The following KIN variants were observed in gnomAD, a reference collection of about 807,000 sequenced individuals.
KIN encodes the protein DNA/RNA-binding protein KIN17.
Under a neutral mutation model 63.0 loss-of-function variants are expected in KIN, and 47 were observed. The observed-to-expected ratio is 0.75, with a 90% CI of 0.59 to 0.95. The LOEUF (loss-of-function observed/expected upper bound fraction) is 0.95. KIN is among the 40% of genes least tolerant of loss of function. The probability of loss-of-function intolerance (pLI) is 0.00; values close to 1 mark genes in which losing one functional copy is unlikely to be tolerated. For missense variants in KIN, 408 were observed against 460.9 expected (o/e 0.89, Z 1.05); for synonymous variants, 160 against 157.7 (o/e 1.01, Z -0.11).
chr10:7,776,951 CAT>C (rs1276586382), intron 5 of KIN, among the ~76,000 whole-genome samples: 2 of 144,904 alleles, frequency 1.4e-5, no homozygotes, highest in African/African-American at 5.1e-5. Context: ...CCCAGCTACT[CAT>C]ATGAGGCAAG....
chr10:7,769,994 G>A (rs1053746531), intron 7 of KIN, among the ~76,000 whole-genome samples: 4 of 152,028 alleles, frequency 2.6e-5, no homozygotes, highest in Non-Finnish European at 5.9e-5. Context: ...GCAGTGGCGC[G>A]ATCTTGGCTC....
chr10:7,775,782 C>T lies in KIN; in HGVS notation c.576G>A (p.Thr192=), dbSNP rs779402695. Residue 192 remains threonine, a synonymous_variant, in exon 6 of 13, where the codon ACG becomes ACA. Transcript: ENST00000379562. ...CTTCATCATTTTCTCTGCTTAATTC[C>T]GTAAAAGTAGGGACCTCCTAAAAAA... ...EGKEQEVPTF[T]ELSRENDEEK... is the part of the protein sequence containing the mutation. The T allele has an allele frequency of 2.1e-5, 32 of 1,552,014 alleles. No individual in the cohort carries two copies. The Admixed American group carries it at 2.5e-4, about 12-fold the overall frequency.
chr10:7,760,530 A>T (rs374077931), intron 11 of KIN, among the ~76,000 whole-genome samples: 2 of 152,332 alleles, frequency 1.3e-5, no homozygotes, highest in East Asian at 3.8e-4. Context: ...AACTGGATAA[A>T]CAAACTGGTA....
At chr10:7,759,130 A>G (rs762095444) in intron 12 of KIN, among the ~76,000 whole-genome samples, 10 of 152,204 alleles carry the variant, frequency 6.6e-5, no homozygotes, top group Non-Finnish European at 1.2e-4. Flanking sequence ...CTAAACTTTC[A>G]TTAAACTCTC....
intron 1 of KIN, among the ~76,000 whole-genome samples, chr10:7,784,142 T>C (rs1251699979): frequency 6.6e-6 from 1 of 152,164 alleles, no homozygotes; most frequent in East Asian, 1.9e-4. Flanking sequence ...GAACAAACAA[T>C]ACAGTTACTA....
intron 5 of KIN, among the ~76,000 whole-genome samples, chr10:7,776,723 ACT>A (rs1475348623): frequency 1.7e-5 from 2 of 119,680 alleles, no homozygotes; most frequent in Admixed American, 1.9e-4. Flanking sequence ...ACAGAGCAAG[ACT>A]CTGTCTCAAA....
chr10:7,771,216 G>T (rs756223484), intron 7 of KIN, among the ~76,000 whole-genome samples: 2 of 152,144 alleles, frequency 1.3e-5, no homozygotes, highest in African/African-American at 2.4e-5. Flanking sequence ...GGGATCCAGG[G>T]ATAATTCAGA....
Position 7,767,842 on chromosome 10 carries a change from G to C in KIN, c.798+1374C>G, listed in dbSNP as rs59994687. On this transcript the variant is annotated intron_variant, in intron 8 of 12. Transcript: ENST00000379562. Reference sequence around the variant, plus strand: ...CCACTGCACTCCAGCCTGAGTGACAGAACACAGAGCAGGACTCCGTCTCAA... The same window carrying C: ...CCACTGCACTCCAGCCTGAGTGACACAACACAGAGCAGGACTCCGTCTCAA... 6.2e-3 allele frequency among the ~76,000 whole-genome samples: 741 copies of C among 119,156 alleles called. 8 individuals carry two copies. Among genetic ancestry groups the C allele is most frequent in the African/African-American group, 0.024 (719 of 29,982 alleles). The allele number at this position is 119,156 out of a possible 152,430, so 78.2% of individuals were successfully genotyped here. A position where few individuals can be genotyped will look rare whatever the true frequency, so the allele number is the denominator to read the frequency against.
intron 5 of KIN, among the ~76,000 whole-genome samples, chr10:7,776,288 C>T (rs545245932): frequency 3.8e-4 from 56 of 149,096 alleles, no homozygotes; most frequent in Non-Finnish European, 7.3e-4. Flanking sequence ...TGCCTGTAAT[C>T]CTAGCACTTT....
rs1835837531 is a variant in KIN, at chr10:7,778,922, C to G, written c.474G>C (p.Lys158Asn). Residue 158 changes from lysine to asparagine, a missense_variant, in exon 5 of 13, where the codon AAG becomes AAC. By Grantham distance (94) the Lys-to-Asn change is moderately conservative. Around this residue, in one of 2 missense-constraint regions of KIN, gnomAD observed 298 missense variants for 296.0 expected, o/e 1.01. Coordinates refer to ENST00000379562, the MANE Select transcript of KIN (RefSeq NM_012311.4). ...CTTCATCATCAAGGTCCTGCTTTTTCTTTTTCTCCAGTTCCAGTTGCCGGC... is the reference window on the plus strand; with the variant it reads ...CTTCATCATCAAGGTCCTGCTTTTTGTTTTTCTCCAGTTCCAGTTGCCGGC... ...TIRRQLELEK[K>N]KKQDLDDEEK... The G allele has an allele frequency of 1.9e-6, 3 of 1,613,882 alleles. No individual in the cohort carries two copies. The highest frequency in any genetic ancestry group is 2.5e-6 in the Non-Finnish European group (3 of 1,179,996).
chr10:7,782,068 TAAC>T (rs1232337513), intron 2 of KIN, among the ~76,000 whole-genome samples: 3 of 152,050 alleles, frequency 2.0e-5, no homozygotes, highest in Non-Finnish European at 4.4e-5. Flanking sequence ...TCAATAATAA[TAAC>T]AATAATAAAA....
intron 7 of KIN, among the ~76,000 whole-genome samples, chr10:7,771,196 C>G (rs1281341658): frequency 2.0e-5 from 3 of 152,136 alleles, no homozygotes; most frequent in African/African-American, 7.2e-5. Flanking sequence ...TTTAGGTGTA[C>G]TTTGAACTAG....
rs71515486 is a variant in KIN at position 7,781,587 on chromosome 10, T to TCTACACACACACACACACACAC, written c.210-1281_210-1280insGTGTGTGTGTGTGTGTGTGTAG. Among the ~76,000 whole-genome samples, 295 of 140,700 alleles carry TCTACACACACACACACACACAC rather than the reference T, an allele frequency of 2.1e-3. 4 individuals are homozygous for TCTACACACACACACACACACAC. The highest frequency in any genetic ancestry group is 7.8e-3 in the African/African-American group (283 of 36,394). 92.3% of individuals were successfully genotyped at this position (140,700 alleles called of 152,430 possible). ...GGGCAACAAAGTGAGACCCTGTCTC[T>TCTACACACACACACACACACAC]ACACACACACACACACACACACACA... On this transcript the variant is annotated intron_variant, in intron 2 of 12. Coordinates refer to ENST00000379562, the MANE Select transcript of KIN (RefSeq NM_012311.4).
At chr10:7,786,496 C>T (rs1836010324) in intron 1 of KIN, among the ~76,000 whole-genome samples, 1 of 152,012 alleles carries the variant, frequency 6.6e-6, no homozygotes, top group Admixed American at 6.5e-5. Flanking sequence ...TGAACCCTAA[C>T]CCCCAAGGGA....
chr10:7,767,954 T>C (rs543017639), intron 8 of KIN, among the ~76,000 whole-genome samples: 20 of 152,008 alleles, frequency 1.3e-4, no homozygotes, highest in African/African-American at 4.8e-4. Flanking sequence ...GAAATAATAT[T>C]AAAGAAAAAA....
At chr10:7,769,723 A>T (rs1188109713) in intron 7 of KIN, among the ~76,000 whole-genome samples, 2 of 152,206 alleles carry the variant, frequency 1.3e-5, no homozygotes, top group East Asian at 3.9e-4. Flanking sequence ...GACTTGGAGT[A>T]GTTCACTTTC....
intron 11 of KIN, among the ~76,000 whole-genome samples, chr10:7,762,095 C>T (rs559041238): frequency 1.3e-5 from 2 of 152,134 alleles, no homozygotes; most frequent in African/African-American, 4.8e-5. Context: ...TATGTATATG[C>T]AAATTCCAAA....
intron 7 of KIN, among the ~76,000 whole-genome samples, chr10:7,772,442 A>G (rs1835685129): frequency 6.6e-6 from 1 of 152,214 alleles, no homozygotes; most frequent in Non-Finnish European, 1.5e-5. Context: ...CAAAGGAGAT[A>G]AAGAAGCCCA....
At chr10:7,776,093 G>A (rs531153808) in intron 5 of KIN, among the ~76,000 whole-genome samples, 6 of 151,926 alleles carry the variant, frequency 3.9e-5, no homozygotes, top group African/African-American at 7.2e-5. Context: ...AGCCGAGCAT[G>A]GTGGTATGCA....
Sources: gnomAD v4.1 joint callset for allele counts (sites outside exome capture counted in the v4.1 genomes callset) on GRCh38, gnomAD v4.1.1 for gene constraint, gnomAD v4.1.1 regional missense constraint, MANE v1.5 for transcripts, NCBI Gene and HGNC (gene_info 2026-07-23, HGNC 2026-07-21) for gene names.